MCTP1: variants seen among roughly 807,000 people sequenced by gnomAD.
MCTP1 encodes multiple C2 and transmembrane domain-containing protein 1.
A neutral mutation model predicts 120.6 loss-of-function variants in MCTP1; 69 were observed. That is an observed-to-expected ratio of 0.57 (90% CI 0.47 to 0.70). The LOEUF is 0.70. Among genes scored for constraint, MCTP1 ranks in the 30% least tolerant of loss-of-function variants. The probability of loss-of-function intolerance (pLI) is 0.00; values close to 1 mark genes in which losing one functional copy is unlikely to be tolerated. For missense variants in MCTP1, 1,203 were observed against 1,248.8 expected, an observed-to-expected ratio of 0.96 and a Z score of 0.55; for synonymous variants, 529 against 493.1, an observed-to-expected ratio of 1.07 and a Z score of -0.96.
At chr5:94,977,661 C>A (rs7732129) in intron 2 of MCTP1, among the ~76,000 whole-genome samples, 48,328 of 151,938 alleles carry the variant, frequency 0.32, 7,847 homozygotes, top group South Asian at 0.39. Flanking sequence ...CAATCCATGC[C>A]TGTATGGTAA....
At chr5:95,185,255 A>T (rs1399499626) in intron 1 of MCTP1, among the ~76,000 whole-genome samples, 1 of 152,228 alleles carries the variant, frequency 6.6e-6, no homozygotes, top group Non-Finnish European at 1.5e-5. Flanking sequence ...AAGAAAACAA[A>T]AAATATATTC....
chr5:95,089,217 C>T (rs2152338027), intron 1 of MCTP1, among the ~76,000 whole-genome samples: 1 of 152,240 alleles, frequency 6.6e-6, no homozygotes, highest in South Asian at 2.1e-4. Flanking sequence ...TTTTTCCCCT[C>T]ACTGTTGCAG....
At chr5:94,812,354 C>T (rs1783596321) in intron 17 of MCTP1, among the ~76,000 whole-genome samples, 2 of 151,326 alleles carry the variant, frequency 1.3e-5, no homozygotes, top group Non-Finnish European at 2.9e-5. Flanking sequence ...ATTTAATGTC[C>T]TCTCAAGGAA....
intron 17 of MCTP1, among the ~76,000 whole-genome samples, chr5:94,804,729 C>T (rs1036283547): frequency 3.9e-5 from 6 of 152,154 alleles, no homozygotes; most frequent in Non-Finnish European, 5.9e-5. Context: ...TGAGCCACCA[C>T]ACCAGGCCTA....
At chr5:94,756,420 A>C (rs958455566) in intron 19 of MCTP1, among the ~76,000 whole-genome samples, 1 of 152,196 alleles carries the variant, frequency 6.6e-6, no homozygotes, top group Admixed American at 6.5e-5. Flanking sequence ...TATGGGAATG[A>C]AAAGGAGAGT....
At chr5:94,969,681 T>C (rs1184555201) in intron 2 of MCTP1, among the ~76,000 whole-genome samples, 1 of 152,150 alleles carries the variant, frequency 6.6e-6, no homozygotes, top group Non-Finnish European at 1.5e-5. Context: ...GCTGGATCTT[T>C]CTGAAGATAA....
intron 1 of MCTP1, among the ~76,000 whole-genome samples, chr5:95,201,392 A>T (rs1253114061): frequency 2.0e-5 from 3 of 150,304 alleles, no homozygotes; most frequent in East Asian, 4.0e-4. Context: ...TTTTGTTATG[A>T]TTTAAATTTA....
At chr5:94,794,300 TGAA>T (rs1779563766) in intron 18 of MCTP1, among the ~76,000 whole-genome samples, 1 of 152,236 alleles carries the variant, frequency 6.6e-6, no homozygotes, top group Non-Finnish European at 1.5e-5. Flanking sequence ...TTCACGAATA[TGAA>T]GAAGTCAGCT....
intron 1 of MCTP1, among the ~76,000 whole-genome samples, chr5:95,065,048 T>G (rs1750259050): frequency 6.6e-6 from 1 of 152,178 alleles, no homozygotes; most frequent in South Asian, 2.1e-4. Context: ...ATTTTGCCAA[T>G]TCATTTAAAA....
At chr5:95,215,223 C>T (rs944435473) in intron 1 of MCTP1, among the ~76,000 whole-genome samples, 9 of 152,198 alleles carry the variant, frequency 5.9e-5, no homozygotes, top group African/African-American at 2.2e-4. Context: ...CAAGTCTCAT[C>T]TCCTCCCTGA....
chr5:95,079,148 T>C (rs1363294765), intron 1 of MCTP1, among the ~76,000 whole-genome samples: 1 of 152,192 alleles, frequency 6.6e-6, no homozygotes, highest in Non-Finnish European at 1.5e-5. Flanking sequence ...ATAGCTTTCC[T>C]ACTTGGGTTT....
chr5:95,273,920 G>A lies in MCTP1; in HGVS notation c.720+9936C>T, dbSNP rs113127551. ...GACATTCAGCCAATCCCCTGATCCC[G>A]CAAATCTTTCCATCTTTCTGTCACC... On this transcript the variant is annotated intron_variant, in intron 1 of 22. Transcript: ENST00000515393. Among the ~76,000 whole-genome samples, 16 of 152,200 alleles carry A rather than the reference G, an allele frequency of 1.1e-4. No homozygotes were observed. In the South Asian group the frequency reaches 2.3e-3, roughly 22 times the overall value.
At chr5:95,226,025 G>A (rs1053418418) in intron 1 of MCTP1, among the ~76,000 whole-genome samples, 4 of 152,030 alleles carry the variant, frequency 2.6e-5, no homozygotes, top group African/African-American at 9.7e-5. Context: ...CACAGGTGTT[G>A]GGGGAACAAG....
rs184019094 is a variant in MCTP1, at chr5:94,968,915, C to T, written c.839-15554G>A. Among the ~76,000 whole-genome samples, 4 of 152,266 alleles carry T rather than the reference C, an allele frequency of 2.6e-5. No homozygotes were observed. The East Asian group carries it at 5.8e-4, about 22-fold the overall frequency. ...GAAAGATGAATCTAGAAAGTATTCG[C>T]CCTACAGTAAAATTCAGATTTTGTT... On this transcript the variant is annotated intron_variant, in intron 2 of 22. Transcript: ENST00000515393.
intron 1 of MCTP1, among the ~76,000 whole-genome samples, chr5:95,055,016 T>G (rs1262305889): frequency 6.6e-6 from 1 of 152,140 alleles, no homozygotes; most frequent in East Asian, 1.9e-4. Flanking sequence ...TTCGCTATGT[T>G]GGCCACGCTG....
intron 19 of MCTP1, among the ~76,000 whole-genome samples, chr5:94,775,834 G>A (rs1775172011): frequency 6.6e-6 from 1 of 151,250 alleles, no homozygotes; most frequent in Non-Finnish European, 1.5e-5. Context: ...GTGAACAATG[G>A]GTTTGAGAAT....
intron 17 of MCTP1, among the ~76,000 whole-genome samples, chr5:94,811,188 C>T (rs951737883): frequency 6.6e-6 from 1 of 152,166 alleles, no homozygotes; most frequent in African/African-American, 2.4e-5. Flanking sequence ...TTACTCCATT[C>T]CATCTTTTAC....
intron 17 of MCTP1, among the ~76,000 whole-genome samples, chr5:94,811,553 CAA>C (rs1783415324): frequency 6.6e-6 from 1 of 152,152 alleles, no homozygotes; most frequent in Non-Finnish European, 1.5e-5. Context: ...ATGTTTTCTT[CAA>C]ACCAAACCCG....
chr5:95,024,670 CA>C (rs1562035421), intron 1 of MCTP1, among the ~76,000 whole-genome samples: 1 of 151,588 alleles, frequency 6.6e-6, no homozygotes, highest in African/African-American at 2.4e-5. Flanking sequence ...CACACACACA[CA>C]CACACACCCC....
Sources: allele counts gnomAD v4.1 joint callset (sites outside exome capture counted in the v4.1 genomes callset), GRCh38; gene constraint gnomAD v4.1.1; transcripts MANE v1.5; gene names NCBI Gene and HGNC (gene_info 2026-07-23, HGNC 2026-07-21).